The following RTN4RL2 variants were observed in gnomAD, a reference collection of about 807,000 sequenced individuals.
The protein encoded by RTN4RL2 is reticulon-4 receptor-like 2.
RTN4RL2 carries 9 observed loss-of-function variants against 27.8 expected under a neutral mutation model. The observed-to-expected ratio is 0.32, with a 90% confidence interval of 0.20 to 0.57. The LOEUF (loss-of-function observed/expected upper bound fraction) is 0.57, where lower values mean the gene tolerates loss of function less well. RTN4RL2 is among the 20% of genes least tolerant of loss of function. The probability of loss-of-function intolerance (pLI) is 0.90; values close to 1 mark genes in which losing one functional copy is unlikely to be tolerated. For synonymous variants in RTN4RL2, 285 were observed against 297.9 expected, an observed-to-expected ratio of 0.96 and a Z score of 0.45; for missense variants, 436 against 596.8, an observed-to-expected ratio of 0.73 and a Z score of 2.81.
chr11:57,471,038 C>G (rs1943560031), intron 2 of RTN4RL2, among the ~76,000 whole-genome samples: 2 of 152,110 alleles, frequency 1.3e-5, no homozygotes, highest in African/African-American at 2.4e-5. Flanking sequence ...GAGTTCGAGA[C>G]CAGCCTGGCC....
At chr11:57,466,972 G>C (rs536355799) in intron 1 of RTN4RL2, among the ~76,000 whole-genome samples, 5 of 152,360 alleles carry the variant, frequency 3.3e-5, no homozygotes, top group African/African-American at 9.6e-5. Context: ...GAGAAACCCT[G>C]ACGTTAGTCT....
At chr11:57,469,321 T>C (rs1211049042) in intron 2 of RTN4RL2, among the ~76,000 whole-genome samples, 2 of 152,196 alleles carry the variant, frequency 1.3e-5, no homozygotes, top group Admixed American at 6.5e-5. Flanking sequence ...ATATGTCTTA[T>C]ATTATTCTTA....
chr11:57,462,611 C>A (rs564985200), intron 1 of RTN4RL2, among the ~76,000 whole-genome samples: 3 of 152,380 alleles, frequency 2.0e-5, no homozygotes, highest in South Asian at 4.1e-4. Context: ...TCTACAGGGG[C>A]CTCCGGCCCA....
intron 2 of RTN4RL2, among the ~76,000 whole-genome samples, chr11:57,470,311 G>A (rs1943555063): frequency 6.6e-6 from 1 of 151,970 alleles, no homozygotes; most frequent in African/African-American, 2.4e-5. Flanking sequence ...GCAGTAGTGC[G>A]ATCTCGGCTC....
Position 57,471,389 on chromosome 11 carries a change from G to T in RTN4RL2, c.513+3299G>T, listed in dbSNP as rs1000961586. On this transcript the variant is annotated intron_variant, in intron 2 of 2. Coordinates refer to ENST00000335099, the MANE Select transcript of RTN4RL2 (RefSeq NM_178570.3). ...GAGGGGACCTCAGGTGGACATTGGGGTCTTCTGAAATGGGAAGTGTTTGTT... is the reference window on the plus strand; with the variant it reads ...GAGGGGACCTCAGGTGGACATTGGGTTCTTCTGAAATGGGAAGTGTTTGTT... Among the ~76,000 whole-genome samples, 7 of 152,236 alleles carry T rather than the reference G, an allele frequency of 4.6e-5. No individual in the cohort carries two copies. In the East Asian group the frequency reaches 1.2e-3, roughly 25 times the overall value.
In RTN4RL2 at chr11:57,467,675, T is replaced by C. The variant is rs777815972; in HGVS notation, c.98T>C (p.Met33Thr). The change falls in exon 2 of 3, where the codon ATG becomes ACG. Residue 33 changes from methionine to threonine, a missense_variant. Met to Thr is a moderately conservative substitution (Grantham distance 81). Around this residue, in one of 3 missense-constraint regions of RTN4RL2, gnomAD observed 365 missense variants for 530.5 expected, o/e 0.69. Coordinates refer to ENST00000335099, the MANE Select transcript of RTN4RL2 (RefSeq NM_178570.3). The surrounding 1 kb of genome is among the most constrained non-coding windows in gnomAD (Gnocchi z 5.5). The stretch of plus-strand genomic sequence containing the variant: ...CCCCTGGCGGCCCCCAGCTGCCCCA[T>C]GCTCTGCACCTGCTACTCATCCCCG... ...ALPLAAPSCP[M>T]LCTCYSSPPT... is the part of the protein sequence containing the mutation. 12 of 1,611,662 alleles carry C rather than the reference T, an allele frequency of 7.4e-6. No homozygotes were observed. Among genetic ancestry groups the C allele is most frequent in the Non-Finnish European group, 1.0e-5 (12 of 1,179,916 alleles).
At position 57,460,911 on chromosome 11, in the gene RTN4RL2, G is replaced by C. The variant is rs921291905; in HGVS notation, c.31+15G>C. 7.2e-7 allele frequency: 1 copy of C among 1,387,134 alleles called. No individual in the cohort carries two copies. The highest frequency in any genetic ancestry group is 1.5e-5 in the African/African-American group (1 of 67,016). 85.9% of individuals were successfully genotyped at this position (1,387,134 alleles called of 1,614,324 possible). On this transcript the variant is annotated intron_variant, in intron 1 of 2. Coordinates refer to ENST00000335099, the MANE Select transcript of RTN4RL2 (RefSeq NM_178570.3). ...CCTGCTGCAAGGTAAGAACGCCAGC[G>C]GCGGGAGAGCGGAGGGCATCCTGGG...
intron 2 of RTN4RL2, chr11:57,468,837 T>G: frequency 9.6e-7 from 1 of 1,043,708 alleles, no homozygotes; most frequent in Non-Finnish European, 1.4e-6. Context: ...ATGGAAGGAA[T>G]ACCAGTAATT....
Position 57,467,943 on chromosome 11 carries a change from G to A in RTN4RL2, c.366G>A (p.Leu122=). 1 of 1,613,094 alleles carries A rather than the reference G, an allele frequency of 6.2e-7. No individual in the cohort carries two copies. Among genetic ancestry groups the A allele is most frequent in the East Asian group, 2.2e-5 (1 of 44,882 alleles). ...DLGDNRHLRS[L]EPDTFQGLER... ...GTGACAACCGGCACCTGCGCTCGCT[G>A]GAGCCCGACACCTTCCAGGGCCTGG... The change falls in exon 2 of 3, where the codon CTG becomes CTA. Residue 122 remains leucine (L), a synonymous_variant. Transcript: ENST00000335099. The surrounding 1 kb of genome is among the most constrained non-coding windows in gnomAD (Gnocchi z 5.5).
chr11:57,476,951 G>A lies in RTN4RL2; in HGVS notation c.*40G>A, dbSNP rs150207718. On this transcript the variant is annotated 3_prime_UTR_variant, in exon 3 of 3. Transcript: ENST00000335099. The surrounding 1 kb of genome is among the most constrained non-coding windows in gnomAD (Gnocchi z 8.2). ...TCGAAGAGGCCAGTGTCCGATCCCC[G>A]CTTCCCGTCCACCCGGGGCTGCGGC... 119 of 1,508,262 alleles carry A rather than the reference G, an allele frequency of 7.9e-5. 1 individual carries two copies. The African/African-American group carries it at 1.1e-3, about 14-fold the overall frequency. The allele number at this position is 1,508,262 out of a possible 1,614,324, so 93.4% of individuals were successfully genotyped here. A position where few individuals can be genotyped will look rare whatever the true frequency, so the allele number is the denominator to read the frequency against.
At chr11:57,470,653 T>TTAC (rs111564677) in intron 2 of RTN4RL2, among the ~76,000 whole-genome samples, 6,181 of 151,962 alleles carry the variant, frequency 0.041, 431 homozygotes, top group African/African-American at 0.14. Flanking sequence ...ATAATAATAA[T>TTAC]TACTACTACT....
chr11:57,469,015 G>A, intron 2 of RTN4RL2: 1 of 623,758 alleles, frequency 1.6e-6, no homozygotes, highest in Non-Finnish European at 2.9e-6. Context: ...CTGGAAGGGG[G>A]TGAAAATATC....
Position 57,472,700 on chromosome 11 carries a change from T to C in RTN4RL2, c.514-3462T>C, listed in dbSNP as rs186655069. On this transcript the variant is annotated intron_variant, in intron 2 of 2. Coordinates refer to ENST00000335099, the MANE Select transcript of RTN4RL2 (RefSeq NM_178570.3). ...CAGGGGTTGTGAGGATTAAAGGAGA[T>C]ACTACTGAGCTCACAGCCCAATGTC... is the stretch of plus-strand genomic sequence containing the variant. 9.8e-5 allele frequency among the ~76,000 whole-genome samples: 15 copies of C among 152,302 alleles called. No homozygotes were observed. The South Asian group carries it at 1.4e-3, about 15-fold the overall frequency.
Position 57,467,372 on chromosome 11 carries a change from G to T in RTN4RL2, c.32-237G>T, listed in dbSNP as rs1177599825. ...ACTACAGGCACATGCCACCATGCCT[G>T]GCTAATTTTTTTTTTTTTCTTGTAA... On this transcript the variant is annotated intron_variant, in intron 1 of 2. Coordinates refer to ENST00000335099, the MANE Select transcript of RTN4RL2 (RefSeq NM_178570.3). This position sits in a 1 kb window ranked among gnomAD's most constrained non-coding sequence, Gnocchi z 5.5. 1.3e-5 allele frequency among the ~76,000 whole-genome samples: 2 copies of T among 151,498 alleles called. No homozygotes were observed. Among genetic ancestry groups the T allele is most frequent in the African/African-American group, 4.9e-5 (2 of 40,936 alleles).
intron 2 of RTN4RL2, among the ~76,000 whole-genome samples, chr11:57,470,159 C>T (rs1943553464): frequency 6.6e-6 from 1 of 152,190 alleles, no homozygotes; most frequent in South Asian, 2.1e-4. Flanking sequence ...CAAATCCTGG[C>T]TCCTATATAT....
chr11:57,460,918 G>A (rs1210007561), intron 1 of RTN4RL2, 22 bp downstream of exon 1: 6 of 1,379,466 alleles, frequency 4.3e-6, no homozygotes, highest in South Asian at 1.6e-5. Flanking sequence ...AGCGGCGGGA[G>A]AGCGGAGGGC....
At chr11:57,466,974 C>T (rs1406988201) in intron 1 of RTN4RL2, among the ~76,000 whole-genome samples, 1 of 152,232 alleles carries the variant, frequency 6.6e-6, no homozygotes, top group African/African-American at 2.4e-5. Flanking sequence ...GAAACCCTGA[C>T]GTTAGTCTTT....
rs1565115208 is a variant in RTN4RL2 at position 57,468,004 on chromosome 11, C to T, written c.427C>T (p.Leu143Phe). Residue 143 changes from leucine (L) to phenylalanine (F), a missense_variant, in exon 2 of 3, where the codon CTC becomes TTC. Transcript: ENST00000335099. ...LQSLHLYRCQ[L>F]SSLPGNIFRG... Reference sequence around the variant, plus strand: ...GTCGCTGCATTTGTACCGCTGCCAGCTCAGCAGCCTGCCCGGCAACATCTT... The same window carrying T: ...GTCGCTGCATTTGTACCGCTGCCAGTTCAGCAGCCTGCCCGGCAACATCTT... 5.0e-6 allele frequency: 8 copies of T among 1,603,770 alleles called. No individual in the cohort carries two copies. The highest frequency in any genetic ancestry group is 6.8e-6 in the Non-Finnish European group (8 of 1,179,982).
At chr11:57,475,794 A>C (rs1195152047) in intron 2 of RTN4RL2, among the ~76,000 whole-genome samples, 3 of 152,162 alleles carry the variant, frequency 2.0e-5, no homozygotes, top group African/African-American at 7.2e-5. Flanking sequence ...TCTGAAACTC[A>C]AACTGTGGTC....
Sources: allele counts gnomAD v4.1 joint callset (sites outside exome capture counted in the v4.1 genomes callset), GRCh38; gene constraint gnomAD v4.1.1; regional missense constraint gnomAD v4.1.1; non-coding constraint Gnocchi (gnomAD v3.1); transcripts MANE v1.5; gene names NCBI Gene and HGNC (gene_info 2026-07-23, HGNC 2026-07-21).